The following DOCK10 variants were observed in gnomAD, a reference collection of about 807,000 sequenced individuals.
DOCK10 encodes dedicator of cytokinesis 10.
DOCK10 carries 145 observed loss-of-function variants against 280.1 expected under a neutral mutation model. The ratio of observed to expected loss-of-function variants is 0.52; its 90% confidence interval spans 0.45 to 0.59. The LOEUF (loss-of-function observed/expected upper bound fraction) is 0.59. DOCK10 is among the 20% of genes least tolerant of loss of function. DOCK10 has a pLI of 0.00. For missense variants in DOCK10, 2,368 were observed against 2,651.7 expected (o/e 0.89, Z 2.35); for synonymous variants, 915 against 942.2 (o/e 0.97, Z 0.53).
intron 52 of DOCK10, among the ~76,000 whole-genome samples, chr2:224,774,159 C>T (rs1690657361): frequency 6.6e-6 from 1 of 152,172 alleles, no homozygotes; most frequent in Non-Finnish European, 1.5e-5. Flanking sequence ...GTAGCCTATT[C>T]CAGGATGGCC....
intron 4 of DOCK10, among the ~76,000 whole-genome samples, chr2:224,892,944 T>A (rs1699785502): frequency 6.6e-6 from 1 of 152,258 alleles, no homozygotes; most frequent in South Asian, 2.1e-4. Context: ...GATCAGCACC[T>A]GTGGCTATTG....
At chr2:225,015,176 T>C (rs1030542410) in intron 1 of DOCK10, among the ~76,000 whole-genome samples, 6 of 152,208 alleles carry the variant, frequency 3.9e-5, no homozygotes, top group Admixed American at 2.6e-4. Flanking sequence ...CTGTTTTTTT[T>C]TAACTTACTA....
chr2:224,770,307 C>T lies in DOCK10; in HGVS notation c.6348G>A (p.Glu2116=). The change falls in exon 55 of 56, where the codon GAG becomes GAA. Residue 2116 remains glutamate, a synonymous_variant. Transcript: ENST00000258390. The surrounding 1 kb of genome is among the most constrained non-coding windows in gnomAD (Gnocchi z 4.5). ...CCAGCTGGTCCTCTTTGATGAGGCG[C>T]TCATTCACGTCAAGGGCCTGCCCAC... ...DACGQALDVN[E]RLIKEDQLEY... is the part of the protein sequence containing the mutation. The T allele has an allele frequency of 6.2e-7, 1 of 1,608,140 alleles. No homozygotes were observed. The highest frequency in any genetic ancestry group is 8.5e-7 in the Non-Finnish European group (1 of 1,177,330).
At chr2:224,933,280 CTTATTT>C (rs1702501992) in intron 1 of DOCK10, among the ~76,000 whole-genome samples, 1 of 152,150 alleles carries the variant, frequency 6.6e-6, no homozygotes, top group Non-Finnish European at 1.5e-5. Flanking sequence ...GTTCTAATTC[CTTATTT>C]CCCAGGCAAA....
chr2:225,028,714 A>G (rs1276138495), intron 1 of DOCK10, among the ~76,000 whole-genome samples: 1 of 152,182 alleles, frequency 6.6e-6, no homozygotes, highest in Admixed American at 6.5e-5. Flanking sequence ...TTTTGGCATA[A>G]TGTCAGCTTA....
intron 1 of DOCK10, among the ~76,000 whole-genome samples, chr2:224,932,725 C>A (rs1471188520): frequency 6.6e-6 from 1 of 152,082 alleles, no homozygotes; most frequent in Non-Finnish European, 1.5e-5. Context: ...TCTTCCTTCC[C>A]CACACTCACA....
At chr2:224,834,791 A>AT (rs949324314) in intron 25 of DOCK10, among the ~76,000 whole-genome samples, 27 of 151,892 alleles carry the variant, frequency 1.8e-4, no homozygotes, top group African/African-American at 6.5e-4. Flanking sequence ...CTGCATACTT[A>AT]TTTTTTTTCC....
intron 1 of DOCK10, among the ~76,000 whole-genome samples, chr2:225,034,843 G>A (rs1690178722): frequency 6.6e-6 from 1 of 152,166 alleles, no homozygotes; most frequent in African/African-American, 2.4e-5. Flanking sequence ...TTGAGGGTGG[G>A]GAGCCTGGTG....
rs1188004266 is a variant in DOCK10 at position 224,770,160 on chromosome 2, G to A, written c.6444+51C>T. On this transcript the variant is annotated intron_variant, in intron 55 of 55. Coordinates refer to ENST00000258390, the MANE Select transcript of DOCK10 (RefSeq NM_014689.3). The surrounding 1 kb of genome is among the most constrained non-coding windows in gnomAD (Gnocchi z 4.5). ...TTCCTGTCCTTCTGGCATTGGGAGC[G>A]AAAGGGACTTTCTGTCCACTGATAG... 1.9e-5 allele frequency: 28 copies of A among 1,445,652 alleles called. No homozygotes were observed. Among genetic ancestry groups the A allele is most frequent in the South Asian group, 4.7e-5 (3 of 63,802 alleles). The allele number at this position is 1,445,652 out of a possible 1,614,324, so 89.6% of individuals were successfully genotyped here.
chr2:224,927,986 T>C (rs1702127547), intron 2 of DOCK10, among the ~76,000 whole-genome samples: 1 of 152,114 alleles, frequency 6.6e-6, no homozygotes, highest in African/African-American at 2.4e-5. Flanking sequence ...GTGGTCATTC[T>C]ATGACCACTT....
chr2:224,882,605 T>G (rs1411943726), intron 7 of DOCK10, among the ~76,000 whole-genome samples: 1 of 152,188 alleles, frequency 6.6e-6, no homozygotes, highest in East Asian at 1.9e-4. Flanking sequence ...AATGGCATAT[T>G]CACTAAAGAT....
chr2:224,943,071 A>G (rs1703185407), intron 1 of DOCK10, among the ~76,000 whole-genome samples: 1 of 152,340 alleles, frequency 6.6e-6, no homozygotes, highest in Admixed American at 6.5e-5. Context: ...AAAAAAGAAT[A>G]AAATAAAAAT....
At chr2:224,814,099 T>G (rs1407406983) in intron 31 of DOCK10, among the ~76,000 whole-genome samples, 4 of 152,188 alleles carry the variant, frequency 2.6e-5, no homozygotes, top group African/African-American at 9.7e-5. Context: ...AATTAAAAAA[T>G]ATTGCCAACC....
chr2:224,805,575 G>GCA lies in DOCK10; in HGVS notation c.3815-48_3815-47dup. On this transcript the variant is annotated intron_variant, in intron 34 of 55. Transcript: ENST00000258390. This position sits in a 1 kb window ranked among gnomAD's most constrained non-coding sequence, Gnocchi z 4.3. The stretch of plus-strand genomic sequence containing the variant: ...ACACGTATGGGAATGAGATGTATGG[G>GCA]CACACACACACAAAAGGTTCACATG... The GCA allele has an allele frequency of 1.9e-6, 3 of 1,605,292 alleles. No individual in the cohort carries two copies. Among genetic ancestry groups the GCA allele is most frequent in the Non-Finnish European group, 2.6e-6 (3 of 1,175,506 alleles).
chr2:224,773,334 G>C lies in DOCK10; in HGVS notation c.6027C>G (p.Phe2009Leu). 6.2e-7 allele frequency: 1 copy of C among 1,611,428 alleles called. No individual in the cohort carries two copies. Among genetic ancestry groups the C allele is most frequent in the Non-Finnish European group, 8.5e-7 (1 of 1,178,830 alleles). Residue 2009 changes from phenylalanine (F) to leucine (L), a missense_variant, in exon 53 of 56, where the codon TTC (phenylalanine) becomes TTG (leucine). Physicochemically the swap from Phe to Leu is conservative, Grantham distance 22. Around this residue, in one of 2 missense-constraint regions of DOCK10, gnomAD observed 1,159 missense variants for 1,400.8 expected, o/e 0.83. Coordinates refer to ENST00000258390, the MANE Select transcript of DOCK10 (RefSeq NM_014689.3). ...RRTILTTSHL[F>L]PYVKKRIQVI... ...CTTGTATTCTCTTCTTCACGTAGGG[G>C]AACAGGTGACTCGCTGTACAAAAGC... is the stretch of plus-strand genomic sequence containing the variant.
chr2:224,782,076 T>C (rs1356081883), intron 50 of DOCK10, among the ~76,000 whole-genome samples: 1 of 152,222 alleles, frequency 6.6e-6, no homozygotes, highest in Admixed American at 6.5e-5. Context: ...TCTGCATTCA[T>C]GTAGCTTCTC....
intron 1 of DOCK10, among the ~76,000 whole-genome samples, chr2:224,983,181 T>A (rs183922422): frequency 2.6e-5 from 4 of 152,308 alleles, no homozygotes; most frequent in Non-Finnish European, 5.9e-5. Flanking sequence ...CATTTTAACA[T>A]CCTATCAATA....
rs766124100 is a variant in DOCK10 at position 224,770,357 on chromosome 2, G to A, written c.6306-8C>T. ...CATGCATCTGCAAATTGCCTTTAGC[G>A]ACAGCATTAAACAAATTAAAAACCA... On this transcript the variant is annotated splice_polypyrimidine_tract_variant and splice_region_variant and intron_variant, in intron 54 of 55. Coordinates refer to ENST00000258390, the MANE Select transcript of DOCK10 (RefSeq NM_014689.3). The surrounding 1 kb of genome is among the most constrained non-coding windows in gnomAD (Gnocchi z 4.5). The A allele has an allele frequency of 2.9e-5, 46 of 1,590,922 alleles. No individual in the cohort carries two copies. Among genetic ancestry groups the A allele is most frequent in the Non-Finnish European group, 3.8e-5 (45 of 1,169,182 alleles).
chr2:224,857,943 T>A (rs1205405173), intron 14 of DOCK10, among the ~76,000 whole-genome samples: 1 of 152,172 alleles, frequency 6.6e-6, no homozygotes, highest in Non-Finnish European at 1.5e-5. Context: ...CAAGATTTTA[T>A]CAGAATGATA....
Sources: gnomAD v4.1 joint callset for allele counts (sites outside exome capture counted in the v4.1 genomes callset) on GRCh38, gnomAD v4.1.1 for gene constraint, gnomAD v4.1.1 regional missense constraint, Gnocchi (gnomAD v3.1) non-coding constraint, MANE v1.5 for transcripts, NCBI Gene and HGNC (gene_info 2026-07-23, HGNC 2026-07-21) for gene names.